The following MCTP1 variants were observed in gnomAD, a reference collection of about 807,000 sequenced individuals.
MCTP1 encodes the protein multiple C2 and transmembrane domain containing 1.
Under a neutral mutation model 120.6 loss-of-function variants are expected in MCTP1, and 69 were observed. The ratio of observed to expected loss-of-function variants is 0.57; its 90% CI spans 0.47 to 0.70. The LOEUF is 0.70. MCTP1 is among the 30% of genes least tolerant of loss of function. The pLI, the probability that MCTP1 is intolerant of heterozygous loss-of-function variation, is 0.00. For missense variants in MCTP1, 1,203 were observed against 1,248.8 expected, an observed-to-expected ratio of 0.96 and a Z score of 0.55; for synonymous variants, 529 against 493.1, an observed-to-expected ratio of 1.07 and a Z score of -0.96.
At chr5:95,121,292 A>AAAG (rs1408319850) in intron 1 of MCTP1, among the ~76,000 whole-genome samples, 2 of 150,520 alleles carry the variant, frequency 1.3e-5, no homozygotes, top group East Asian at 3.9e-4. Context: ...AAAAAAAAAA[A>AAAG]AAAAAAAAAA....
intron 17 of MCTP1, among the ~76,000 whole-genome samples, chr5:94,812,289 T>C (rs1193697206): frequency 6.6e-6 from 1 of 152,144 alleles, no homozygotes; most frequent in Non-Finnish European, 1.5e-5. Context: ...AAGACTACTT[T>C]GCTCAATCTT....
At chr5:95,098,903 G>T (rs1756485550) in intron 1 of MCTP1, among the ~76,000 whole-genome samples, 2 of 152,104 alleles carry the variant, frequency 1.3e-5, no homozygotes, top group Admixed American at 6.5e-5. Flanking sequence ...AAAACAGCAT[G>T]GTACTGGTAC....
At chr5:94,709,813 G>A (rs561712501) in intron 21 of MCTP1, 2 of 152,158 alleles carry the variant, frequency 1.3e-5, no homozygotes, top group Admixed American at 1.3e-4. Flanking sequence ...GATAATAAGG[G>A]GTAAGAGGGC....
chr5:94,943,446 G>C (rs1350906769), intron 3 of MCTP1, among the ~76,000 whole-genome samples: 2 of 152,106 alleles, frequency 1.3e-5, no homozygotes, highest in Non-Finnish European at 2.9e-5. Context: ...GGATAGTTCA[G>C]AGCTAGATCA....
intron 17 of MCTP1, among the ~76,000 whole-genome samples, chr5:94,805,456 G>A (rs753849916): frequency 5.9e-5 from 9 of 152,018 alleles, no homozygotes; most frequent in Non-Finnish European, 8.8e-5. Flanking sequence ...GCGAGACCTC[G>A]TCTCTACTAA....
At chr5:94,782,122 T>A (rs1776704662) in intron 18 of MCTP1, among the ~76,000 whole-genome samples, 1 of 152,104 alleles carries the variant, frequency 6.6e-6, no homozygotes, top group African/African-American at 2.4e-5. Flanking sequence ...GAGGATCCAA[T>A]GAGATAATGC....
At chr5:95,136,219 A>G (rs1336223985) in intron 1 of MCTP1, among the ~76,000 whole-genome samples, 2 of 151,796 alleles carry the variant, frequency 1.3e-5, no homozygotes, top group Non-Finnish European at 2.9e-5. Context: ...ATGAAATATC[A>G]CTCCTCTGTG....
rs1760537474 is a variant in MCTP1 at position 95,283,932 on chromosome 5, G to A, written c.644C>T (p.Pro215Leu). Residue 215 changes from proline (P) to leucine (L), a missense_variant, in exon 1 of 23, where the codon CCT becomes CTT. Pro to Leu is a moderately conservative substitution (Grantham distance 98). Coordinates refer to ENST00000515393, the MANE Select transcript of MCTP1 (RefSeq NM_024717.7). The part of the protein sequence containing the change: ...ACLEQLLEPP[P>L]PPAEPARSPA... ...ACTCCGCGCCGGCTCTGCGGGAGGA[G>A]GCGGCGGCTCCAGCAGCTGCTCCAG... The A allele has an allele frequency of 2.1e-6, 3 of 1,401,858 alleles. No homozygotes were observed. The highest frequency in any genetic ancestry group is 3.5e-5 in the Admixed American group (1 of 28,856). The allele number at this position is 1,401,858 out of a possible 1,614,324, so 86.8% of individuals were successfully genotyped here.
intron 1 of MCTP1, among the ~76,000 whole-genome samples, chr5:95,024,648 T>TACACACAC (rs111890273): frequency 0.029 from 4,267 of 146,308 alleles, 70 homozygotes; most frequent in African/African-American, 0.043. Context: ...GGCATTCAAA[T>TACACACAC]ACACACACAC....
At chr5:94,800,335 C>A (rs575149067) in intron 17 of MCTP1, among the ~76,000 whole-genome samples, 1 of 152,252 alleles carries the variant, frequency 6.6e-6, no homozygotes, top group South Asian at 2.1e-4. Context: ...TGAACCATAG[C>A]GTAACTGGGA....
chr5:94,905,063 G>C (rs1806464919), intron 10 of MCTP1, among the ~76,000 whole-genome samples: 3 of 152,188 alleles, frequency 2.0e-5, no homozygotes, highest in Non-Finnish European at 4.4e-5. Flanking sequence ...GCTTGGTATG[G>C]ACGCCTCCCT....
intron 1 of MCTP1, among the ~76,000 whole-genome samples, chr5:95,169,533 T>C (rs1240442281): frequency 6.6e-6 from 1 of 152,324 alleles, no homozygotes; most frequent in East Asian, 1.9e-4. Context: ...TCCTGGACTT[T>C]TTTTGGTTGG....
chr5:94,936,473 T>C (rs1346845001), intron 5 of MCTP1, among the ~76,000 whole-genome samples: 1 of 152,030 alleles, frequency 6.6e-6, no homozygotes, highest in East Asian at 1.9e-4. Context: ...GGAACATACA[T>C]TGCTTGTTGG....
intron 1 of MCTP1, among the ~76,000 whole-genome samples, chr5:95,276,251 A>ATTT (rs34667866): frequency 0.04 from 3,415 of 84,744 alleles, 500 homozygotes; most frequent in Middle Eastern, 0.082. Flanking sequence ...CAATATTGGG[A>ATTT]TTTTTTTTTT....
At chr5:94,940,642 A>ATATG (rs1817477648) in intron 4 of MCTP1, among the ~76,000 whole-genome samples, 1 of 148,090 alleles carries the variant, frequency 6.8e-6, no homozygotes. Flanking sequence ...ATATACATAC[A>ATATG]CACACATATA....
At chr5:94,736,183 A>C (rs1764192438) in intron 19 of MCTP1, among the ~76,000 whole-genome samples, 2 of 152,256 alleles carry the variant, frequency 1.3e-5, no homozygotes, top group African/African-American at 4.8e-5. Flanking sequence ...ATGGTAGCAC[A>C]GTCCCAAATT....
intron 5 of MCTP1, among the ~76,000 whole-genome samples, chr5:94,937,772 A>G (rs1025997322): frequency 6.6e-6 from 1 of 152,010 alleles, no homozygotes; most frequent in Admixed American, 6.6e-5. Context: ...ATTTTAGAGT[A>G]TTTAATAAAC....
chr5:94,925,416 G>T (rs1046208725), intron 6 of MCTP1, among the ~76,000 whole-genome samples: 21 of 148,980 alleles, frequency 1.4e-4, no homozygotes, highest in East Asian at 5.9e-4. Flanking sequence ...TTTTTTTCTG[G>T]TTTTTTTTTT....
chr5:94,887,909 A>C (rs938312867), intron 12 of MCTP1, among the ~76,000 whole-genome samples: 2 of 152,208 alleles, frequency 1.3e-5, no homozygotes, highest in African/African-American at 4.8e-5. Context: ...GAATTAAAGA[A>C]GTGCACAGTG....
Sources: allele counts gnomAD v4.1 joint callset (sites outside exome capture counted in the v4.1 genomes callset), GRCh38; gene constraint gnomAD v4.1.1; transcripts MANE v1.5; gene names NCBI Gene and HGNC (gene_info 2026-07-23, HGNC 2026-07-21).